Variants in AJAP1 observed in about 807,000 individuals in gnomAD.
AJAP1 encodes the protein adherens junction-associated protein 1.
A neutral mutation model predicts 35.0 loss-of-function variants in AJAP1; 5 were observed. The ratio of observed to expected loss-of-function variants is 0.14; its 90% CI spans 0.07 to 0.30. The LOEUF is 0.30. AJAP1 is among the 10% of genes least tolerant of loss of function. AJAP1 has a pLI of 1.00. For synonymous variants in AJAP1, 284 were observed against 249.3 expected, an observed-to-expected ratio of 1.14 and a Z score of -1.31; for missense variants, 586 against 571.0, an observed-to-expected ratio of 1.03 and a Z score of -0.27.
chr1:4,686,419 T>C (rs1276530116), intron 1 of AJAP1, among the ~76,000 whole-genome samples: 2 of 152,188 alleles, frequency 1.3e-5, no homozygotes. Context: ...AAGTTCTTTT[T>C]CTTCCCTGAG....
chr1:4,691,716 GGGA>G (rs1414111549), intron 1 of AJAP1, among the ~76,000 whole-genome samples: 2 of 152,152 alleles, frequency 1.3e-5, no homozygotes, highest in Admixed American at 1.3e-4. Context: ...AGGACCTGAA[GGGA>G]GGAGTAGGGC....
chr1:4,674,869 G>A (rs1570098142), intron 1 of AJAP1, among the ~76,000 whole-genome samples: 1 of 152,202 alleles, frequency 6.6e-6, no homozygotes, highest in Admixed American at 6.5e-5. Flanking sequence ...TTTCTGTCTT[G>A]TTGCCTGCCT....
At chr1:4,706,331 G>A (rs1640099826) in intron 1 of AJAP1, among the ~76,000 whole-genome samples, 1 of 152,224 alleles carries the variant, frequency 6.6e-6, no homozygotes, top group Non-Finnish European at 1.5e-5. Context: ...CAACGAGGAG[G>A]CGGAGACCTC....
At chr1:4,724,364 T>C (rs1327921120) in intron 2 of AJAP1, among the ~76,000 whole-genome samples, 2 of 152,152 alleles carry the variant, frequency 1.3e-5, no homozygotes, top group Non-Finnish European at 2.9e-5. Context: ...CCTCACCTGG[T>C]CATGAGCTGG....
In AJAP1 at chr1:4,772,589, C is replaced by G. The variant is rs1326006529; in HGVS notation, c.1163+64C>G. The G allele has an allele frequency of 2.5e-6, 4 of 1,586,614 alleles. No individual in the cohort carries two copies. In the African/African-American group the frequency reaches 4.0e-5, roughly 16 times the overall value. On this transcript the variant is annotated intron_variant, in intron 4 of 5. Coordinates refer to ENST00000378191, the MANE Select transcript of AJAP1 (RefSeq NM_018836.4). ...TCTTGGTGCTCCTGACCCCCGGGGG[C>G]CGGTGTGGCTGAGCTGAGAGCTGTT... is the stretch of plus-strand genomic sequence containing the variant.
At chr1:4,727,324 T>C (rs908790226) in intron 2 of AJAP1, among the ~76,000 whole-genome samples, 3 of 152,142 alleles carry the variant, frequency 2.0e-5, no homozygotes, top group Admixed American at 6.5e-5. Context: ...CGGCCCCACC[T>C]TCCCTGTGTT....
Position 4,734,916 on chromosome 1 carries a change from C to T in AJAP1, c.829+22217C>T, listed in dbSNP as rs1276450068. Among the ~76,000 whole-genome samples, 6 of 152,236 alleles carry T rather than the reference C, an allele frequency of 3.9e-5. No individual in the cohort carries two copies. Among genetic ancestry groups the T allele is most frequent in the African/African-American group, 1.4e-4 (6 of 41,464 alleles). On this transcript the variant is annotated intron_variant, in intron 2 of 5. Transcript: ENST00000378191. This position sits in a 1 kb window ranked among gnomAD's most constrained non-coding sequence, Gnocchi z 4.3. ...CCATCTGGCTTTCTGTCCACCGGCA[C>T]AGATGGCAATGTTGTTTCTCGACTC...
intron 4 of AJAP1, among the ~76,000 whole-genome samples, chr1:4,773,837 GT>G (rs1196935913): frequency 1.3e-5 from 2 of 152,230 alleles, no homozygotes; most frequent in Non-Finnish European, 2.9e-5. Flanking sequence ...CTGTGCTTGT[GT>G]TATGCAGGGA....
intron 2 of AJAP1, among the ~76,000 whole-genome samples, chr1:4,766,804 G>T (rs1360457687): frequency 6.6e-6 from 1 of 152,172 alleles, no homozygotes; most frequent in African/African-American, 2.4e-5. Flanking sequence ...AATTGCGTTT[G>T]TCCAGGCTCT....
chr1:4,779,264 G>T (rs376408865), intron 5 of AJAP1, among the ~76,000 whole-genome samples: 4 of 152,162 alleles, frequency 2.6e-5, no homozygotes, highest in African/African-American at 4.8e-5. Context: ...AGGTGGAAAG[G>T]TGGCCAGGAC....
At chr1:4,747,967 G>A (rs1384998567) in intron 2 of AJAP1, among the ~76,000 whole-genome samples, 1 of 151,154 alleles carries the variant, frequency 6.6e-6, no homozygotes, top group Non-Finnish European at 1.5e-5. Flanking sequence ...ACACCAGCCT[G>A]GGTGACAGAG....
intron 1 of AJAP1, among the ~76,000 whole-genome samples, chr1:4,664,233 C>T (rs1459950503): frequency 1.3e-5 from 2 of 152,176 alleles, no homozygotes; most frequent in Admixed American, 1.3e-4. Flanking sequence ...CCTGTTCTTC[C>T]TAGTCTAGAA....
rs1351549656 is a variant in AJAP1 at position 4,657,764 on chromosome 1, A to G, written c.29+2310A>G. Among the ~76,000 whole-genome samples, 8 of 149,912 alleles carry G rather than the reference A, an allele frequency of 5.3e-5. No homozygotes were observed. The East Asian group carries it at 1.6e-3, about 29-fold the overall frequency. The stretch of plus-strand genomic sequence containing the variant: ...TTTCTTAGTTCCGGCCCCAGAGACG[A>G]AGTCTGGGCTTGGTTATTTACGTCT... On this transcript the variant is annotated intron_variant, in intron 1 of 5. Coordinates refer to ENST00000378191, the MANE Select transcript of AJAP1 (RefSeq NM_018836.4).
In AJAP1 at chr1:4,712,187, A is replaced by T. The variant is rs2100266568; in HGVS notation, c.317A>T (p.Asp106Val). 1 of 1,566,592 alleles carries T rather than the reference A, an allele frequency of 6.4e-7. No individual in the cohort carries two copies. The highest frequency in any genetic ancestry group is 2.3e-5 in the East Asian group (1 of 43,210). Residue 106 changes from aspartate to valine, a missense_variant, in exon 2 of 6, where the codon GAC (aspartate) becomes GTC (valine). Asp to Val is a radical substitution (Grantham distance 152). Coordinates refer to ENST00000378191, the MANE Select transcript of AJAP1 (RefSeq NM_018836.4). ...GCCAGACGGGCCCACAGGCCCCGGG[A>T]CCAGGCGGCCGCCCTCGTGCCCAAG... ...PRARRAHRPR[D>V]QAAALVPKAG... is the part of the protein sequence containing the mutation.
At chr1:4,749,862 G>A (rs1018400083) in intron 2 of AJAP1, among the ~76,000 whole-genome samples, 13 of 152,160 alleles carry the variant, frequency 8.5e-5, no homozygotes, top group Admixed American at 4.6e-4. Context: ...ATGCCCGTGC[G>A]TCTGTGTTTT....
In AJAP1 at chr1:4,654,927, G is replaced by C. The variant is rs1394926933; in HGVS notation, c.-499G>C. On this transcript the variant is annotated 5_prime_UTR_variant, in exon 1 of 6. Coordinates refer to ENST00000378191, the MANE Select transcript of AJAP1 (RefSeq NM_018836.4). The surrounding 1 kb of genome is among the most constrained non-coding windows in gnomAD (Gnocchi z 5.1). ...GCGGAGGGGACTCGCGTCCGTCCGC[G>C]TCGCGTCACCCCAAACCCTAAGCAG... 1 of 149,546 alleles carries C rather than the reference G, an allele frequency of 6.7e-6. No individual in the cohort carries two copies. Among genetic ancestry groups the C allele is most frequent in the African/African-American group, 2.4e-5 (1 of 41,210 alleles). 9.3% of individuals were successfully genotyped at this position (149,546 alleles called of 1,614,324 possible).
Position 4,655,370 on chromosome 1 carries a change from C to A in AJAP1, c.-56C>A. 6.7e-7 allele frequency: 1 copy of A among 1,496,564 alleles called. No individual in the cohort carries two copies. Among genetic ancestry groups the A allele is most frequent in the Non-Finnish European group, 9.0e-7 (1 of 1,116,722 alleles). The allele number at this position is 1,496,564 out of a possible 1,614,324, so 92.7% of individuals were successfully genotyped here. ...GGACGGAAGCGAGCGGGCGCGGGCGCCGCGCAGATGGCCTGGGCGAGCCAG... is the reference window on the plus strand; with the variant it reads ...GGACGGAAGCGAGCGGGCGCGGGCGACGCGCAGATGGCCTGGGCGAGCCAG... On this transcript the variant is annotated 5_prime_UTR_variant, in exon 1 of 6. Transcript: ENST00000378191. The surrounding 1 kb of genome is among the most constrained non-coding windows in gnomAD (Gnocchi z 6.9).
chr1:4,756,674 G>T (rs1291977158), intron 2 of AJAP1, among the ~76,000 whole-genome samples: 1 of 152,208 alleles, frequency 6.6e-6, no homozygotes, highest in African/African-American at 2.4e-5. Flanking sequence ...TAGGTTCTGT[G>T]CAAGAAGAGT....
chr1:4,767,798 A>G (rs1570218364), intron 2 of AJAP1, among the ~76,000 whole-genome samples: 1 of 152,112 alleles, frequency 6.6e-6, no homozygotes, highest in East Asian at 1.9e-4. Context: ...ATGAGCACAT[A>G]CGCTTTGTGA....
Sources: allele counts gnomAD v4.1 joint callset (sites outside exome capture counted in the v4.1 genomes callset), GRCh38; gene constraint gnomAD v4.1.1; non-coding constraint Gnocchi (gnomAD v3.1); transcripts MANE v1.5; gene names NCBI Gene and HGNC (gene_info 2026-07-23, HGNC 2026-07-21).